The following ACOT7 variants were observed in gnomAD, a reference collection of about 807,000 sequenced individuals.
ACOT7 encodes cytosolic acyl coenzyme A thioester hydrolase.
ACOT7 carries 12 observed loss-of-function variants against 40.2 expected under a neutral mutation model. The ratio of observed to expected loss-of-function variants is 0.30; its 90% CI spans 0.19 to 0.48. The LOEUF is 0.48. Among genes scored for constraint, ACOT7 ranks in the 20% least tolerant of loss-of-function variants. The pLI, the probability that ACOT7 is intolerant of heterozygous loss-of-function variation, is 0.99. For synonymous variants in ACOT7, 228 were observed against 219.5 expected, an observed-to-expected ratio of 1.04 and a Z score of -0.34; for missense variants, 395 against 530.8, an observed-to-expected ratio of 0.74 and a Z score of 2.51.
At chr1:6,291,308 G>C (rs891068797) in intron 7 of ACOT7, among the ~76,000 whole-genome samples, 1 of 152,012 alleles carries the variant, frequency 6.6e-6, no homozygotes, top group Non-Finnish European at 1.5e-5. Flanking sequence ...GAAGAGGAGA[G>C]ACACACAGAG....
intron 8 of ACOT7, among the ~76,000 whole-genome samples, chr1:6,265,419 G>A (rs947907363): frequency 6.6e-6 from 1 of 152,188 alleles, no homozygotes; most frequent in Non-Finnish European, 1.5e-5. Context: ...TGCTTTGTTG[G>A]GAGGGAGCCC....
chr1:6,310,026 C>T (rs940772161), intron 6 of ACOT7, among the ~76,000 whole-genome samples: 2 of 152,230 alleles, frequency 1.3e-5, no homozygotes, highest in Non-Finnish European at 2.9e-5. Context: ...CCACAGGTCA[C>T]AGCCTCAGGG....
chr1:6,374,467 T>G (rs74049553), intron 1 of ACOT7, among the ~76,000 whole-genome samples: 18,822 of 152,268 alleles, frequency 0.12, 1,815 homozygotes, highest in African/African-American at 0.27. Flanking sequence ...ACACACAGGC[T>G]TGGGGCCTGT....
chr1:6,303,814 GTGGTTCCCGGACGTC>G (rs1640038326), intron 6 of ACOT7, among the ~76,000 whole-genome samples: 1 of 152,158 alleles, frequency 6.6e-6, no homozygotes, highest in Non-Finnish European at 1.5e-5. Flanking sequence ...TATTCACTAA[GTGGTTCCCGGACGTC>G]TGGGAGCATC....
intron 1 of ACOT7, among the ~76,000 whole-genome samples, chr1:6,389,677 A>G (rs1237571554): frequency 1.3e-5 from 2 of 151,532 alleles, no homozygotes; most frequent in Non-Finnish European, 2.9e-5. Context: ...CCAACTACTC[A>G]GGAGGCTGAG....
chr1:6,339,259 C>A (rs1267744021), intron 3 of ACOT7, among the ~76,000 whole-genome samples, 174 bp downstream of exon 3: 2 of 152,222 alleles, frequency 1.3e-5, no homozygotes, highest in Non-Finnish European at 2.9e-5. Flanking sequence ...CCTTTCCTGT[C>A]TGCAAAATCA....
At chr1:6,272,112 G>A (rs538924399) in intron 8 of ACOT7, among the ~76,000 whole-genome samples, 21 of 152,348 alleles carry the variant, frequency 1.4e-4, no homozygotes, top group South Asian at 6.2e-4. Flanking sequence ...GCCAGAAGCC[G>A]CGTGCTCATG....
At chr1:6,345,680 C>T (rs1167445383) in intron 2 of ACOT7, among the ~76,000 whole-genome samples, 2 of 152,230 alleles carry the variant, frequency 1.3e-5, no homozygotes, top group African/African-American at 4.8e-5. Context: ...ATCACCATGC[C>T]CAGCCCCGGC....
rs544902329 is a variant in ACOT7, at chr1:6,269,878, G to A, written c.1015-5183C>T. ...CTGCGTGGAGTGCCCGCCCATAAGC[G>A]CTGCCCTCCCAAGGTGCGGGCGGCC... On this transcript the variant is annotated intron_variant, in intron 8 of 8. Transcript: ENST00000361521. Among the ~76,000 whole-genome samples the A allele has an allele frequency of 1.4e-4, 22 of 152,340 alleles. 1 individual carries two copies. In the South Asian group the frequency reaches 2.1e-3, roughly 14 times the overall value.
intron 5 of ACOT7, among the ~76,000 whole-genome samples, chr1:6,321,017 A>G (rs1036740089): frequency 6.6e-6 from 1 of 152,194 alleles, no homozygotes; most frequent in African/African-American, 2.4e-5. Context: ...CACAGGAGCT[A>G]CCCAGGAGCC....
rs1642571873 is a variant in ACOT7 at position 6,393,428 on chromosome 1, G to C, written c.-29C>G. On this transcript the variant is annotated 5_prime_UTR_variant, in exon 1 of 9. Coordinates refer to ENST00000361521, the MANE Select transcript of ACOT7 (RefSeq NM_007274.4). ...GGGGGAGGGCAGAGGTGGAGCGATGGGGCTGGTGAGGCGGGGCCTGCGCGC... is the reference window on the plus strand; with the variant it reads ...GGGGGAGGGCAGAGGTGGAGCGATGCGGCTGGTGAGGCGGGGCCTGCGCGC... 1 of 1,207,516 alleles carries C rather than the reference G, an allele frequency of 8.3e-7. No individual in the cohort carries two copies. 74.8% of individuals were successfully genotyped at this position (1,207,516 alleles called of 1,614,324 possible). A position where few individuals can be genotyped will look rare whatever the true frequency, so the allele number is the denominator to read the frequency against.
Position 6,343,982 on chromosome 1 carries a change from G to A in ACOT7, c.262-4393C>T, listed in dbSNP as rs541292194. 6.0e-4 allele frequency among the ~76,000 whole-genome samples: 92 copies of A among 152,348 alleles called. No homozygotes were observed. The Middle Eastern group carries it at 0.014, about 23-fold the overall frequency. On this transcript the variant is annotated intron_variant, in intron 2 of 8. Transcript: ENST00000361521. ...CGAGAAGTAAATGGGGCCACGCCACGATGGGGACAGCCCAACGATGTTAAG... is the reference window on the plus strand; with the variant it reads ...CGAGAAGTAAATGGGGCCACGCCACAATGGGGACAGCCCAACGATGTTAAG...
intron 6 of ACOT7, among the ~76,000 whole-genome samples, chr1:6,317,001 G>A (rs1401543563): frequency 3.9e-5 from 6 of 152,210 alleles, no homozygotes; most frequent in East Asian, 3.8e-4. Context: ...GAGTGGTGTC[G>A]TTTGAGCTGG....
In ACOT7 at chr1:6,333,598, G is replaced by A. The variant is rs114818603; in HGVS notation, c.419-30C>T. 3,263 of 1,608,970 alleles carry A rather than the reference G, an allele frequency of 2.0e-3. 56 individuals are homozygous for A. In the African/African-American group the frequency reaches 0.037, roughly 18 times the overall value. On this transcript the variant is annotated intron_variant, in intron 3 of 8. Transcript: ENST00000361521. ...AGAGAAGAAAATCACATTAAGTGAC[G>A]CCCGGGAGACGGGGTGGGAATGTGA...
Position 6,303,619 on chromosome 1 carries a change from C to A in ACOT7, c.713-8639G>T, listed in dbSNP as rs1329934339. Among the ~76,000 whole-genome samples the A allele has an allele frequency of 1.3e-5, 2 of 152,156 alleles. 1 individual carries two copies. The highest frequency in any genetic ancestry group is 4.1e-4 in the South Asian group (2 of 4,824). ...GATGCCCCCATTTCTATATTTAATC[C>A]CAACTGACGGAGCGTGGGCGCCGGC... On this transcript the variant is annotated intron_variant, in intron 6 of 8. Transcript: ENST00000361521.
At chr1:6,318,105 A>C (rs1387825851) in intron 6 of ACOT7, among the ~76,000 whole-genome samples, 1 of 149,934 alleles carries the variant, frequency 6.7e-6, no homozygotes, top group Non-Finnish European at 1.5e-5. Flanking sequence ...GCCCAGGCTG[A>C]AGTGCAGTGG....
chr1:6,365,684 C>A (rs1028703324), intron 1 of ACOT7, among the ~76,000 whole-genome samples: 1 of 150,614 alleles, frequency 6.6e-6, no homozygotes, highest in African/African-American at 2.4e-5. Context: ...AGAAGAATGG[C>A]GTAAACCCGG....
Position 6,282,662 on chromosome 1 carries a change from A to T in ACOT7, c.830-1376T>A. The T allele has an allele frequency of 8.0e-7, 1 of 1,252,350 alleles. No homozygotes were observed. The highest frequency in any genetic ancestry group is 1.1e-6 in the Non-Finnish European group (1 of 942,796). The allele number at this position is 1,252,350 out of a possible 1,614,324, so 77.6% of individuals were successfully genotyped here. On this transcript the variant is annotated intron_variant, in intron 7 of 8. Coordinates refer to ENST00000361521, the MANE Select transcript of ACOT7 (RefSeq NM_007274.4). The surrounding 1 kb of genome is among the most constrained non-coding windows in gnomAD (Gnocchi z 4.5). ...GGGCGGTTAGCAGGCCAGAGGCAAG[A>T]GCGGTTATTCCATGTTAAAAAGTAT...
chr1:6,390,369 C>T (rs1571360548), intron 1 of ACOT7, among the ~76,000 whole-genome samples: 1 of 151,562 alleles, frequency 6.6e-6, no homozygotes, highest in South Asian at 2.1e-4. Flanking sequence ...GTCAGGAGTT[C>T]GAGACTAGCC....
Sources: gnomAD v4.1 joint callset for allele counts (sites outside exome capture counted in the v4.1 genomes callset) on GRCh38, gnomAD v4.1.1 for gene constraint, Gnocchi (gnomAD v3.1) non-coding constraint, MANE v1.5 for transcripts, NCBI Gene and HGNC (gene_info 2026-07-23, HGNC 2026-07-21) for gene names.